The following LRRC26 variants were observed in gnomAD, a reference collection of about 807,000 sequenced individuals.
LRRC26 encodes leucine rich repeat containing 26.
In LRRC26, 17 loss-of-function variants were observed where a neutral mutation model predicts 15.3. The ratio of observed to expected loss-of-function variants is 1.11; its 90% CI spans 0.76 to 1.66. The LOEUF (loss-of-function observed/expected upper bound fraction) is 1.66, where lower values mean the gene tolerates loss of function less well. Ranked by LOEUF, LRRC26 falls within the 40% of genes most tolerant of loss-of-function variation. LRRC26 has a pLI of 0.00. For synonymous variants in LRRC26, 301 were observed against 272.1 expected, an observed-to-expected ratio of 1.11 and a Z score of -1.05; for missense variants, 573 against 501.0, an observed-to-expected ratio of 1.14 and a Z score of -1.37.
At position 137,169,508 on chromosome 9, in the gene LRRC26, G is replaced by A. The variant is rs1399092859; in HGVS notation, c.436C>T (p.Arg146Cys). Residue 146 changes from arginine to cysteine, a missense_variant, in exon 1 of 2, where the codon CGC becomes TGC. Transcript: ENST00000371542. Reference sequence around the variant, plus strand: ...CGGTTGCCGGCCAATGAGAGGTTGCGCAGCGCGCGCAGCGGCGCGAAAGTC... The same window carrying A: ...CGGTTGCCGGCCAATGAGAGGTTGCACAGCGCGCGCAGCGGCGCGAAAGTC... ...PGTFAPLRAL[R>C]NLSLAGNRLA... 3.3e-6 allele frequency: 5 copies of A among 1,523,846 alleles called. No individual in the cohort carries two copies. Among genetic ancestry groups the A allele is most frequent in the African/African-American group, 1.4e-5 (1 of 70,526 alleles). 94.4% of individuals were successfully genotyped at this position (1,523,846 alleles called of 1,614,324 possible). A position where few individuals can be genotyped will look rare whatever the true frequency, so the allele number is the denominator to read the frequency against.
rs747824131 is a variant in LRRC26, at chr9:137,169,838, C to T, written c.106G>A (p.Gly36Arg). ...AQVSATASPS[G>R]SLGAPDCPEV... ...GGGCAGTCCGGGGCGCCCAGGGACCCCGAGGGCGAGGCCGTGGCCGACACC... is the reference window on the plus strand; with the variant it reads ...GGGCAGTCCGGGGCGCCCAGGGACCTCGAGGGCGAGGCCGTGGCCGACACC... Residue 36 changes from glycine to arginine, a missense_variant, in exon 1 of 2, where the codon GGG (glycine) becomes AGG (arginine). Transcript: ENST00000371542. 5.5e-6 allele frequency: 8 copies of T among 1,460,230 alleles called. No homozygotes were observed. Among genetic ancestry groups the T allele is most frequent in the Non-Finnish European group, 5.4e-6 (6 of 1,117,150 alleles). The allele number at this position is 1,460,230 out of a possible 1,614,324, so 90.5% of individuals were successfully genotyped here.
chr9:137,168,933 T>C lies in LRRC26; in HGVS notation c.926A>G (p.Asp309Gly). Reference protein sequence around the residue: ...TAALRPPRPPDPNPDPDPHGC... With the variant: ...TAALRPPRPPGPNPDPDPHGC... ...GTGGGGGTCGGGATCGGGGTTCGGG[T>C]CTGGCGGTCTCGGCGGGCGGAGGGC... The change falls in exon 2 of 2, where the codon GAC becomes GGC. Residue 309 changes from aspartate to glycine, a missense_variant. Physicochemically the swap from Asp to Gly is moderately conservative, Grantham distance 94 (BLOSUM62 -1). Coordinates refer to ENST00000371542, the MANE Select transcript of LRRC26 (RefSeq NM_001013653.3). The C allele has an allele frequency of 7.2e-7, 1 of 1,387,004 alleles. No homozygotes were observed. Among genetic ancestry groups the C allele is most frequent in the Non-Finnish European group, 9.3e-7 (1 of 1,078,330 alleles). 85.9% of individuals were successfully genotyped at this position (1,387,004 alleles called of 1,614,324 possible). A position where few individuals can be genotyped will look rare whatever the true frequency, so the allele number is the denominator to read the frequency against.
Position 137,169,533 on chromosome 9 carries a change from C to T in LRRC26, c.411G>A (p.Gly137=), listed in dbSNP as rs936670035. The change falls in exon 1 of 2, where the codon GGG becomes GGA. Residue 137 remains glycine, a synonymous_variant. Transcript: ENST00000371542. The part of the protein sequence containing the change: ...SANQLEALAP[G]TFAPLRALRN... ...GCAGCGCGCGCAGCGGCGCGAAAGT[C>T]CCTGGTGCCAGTGCTTCCAGCTGGT... 2 of 1,524,352 alleles carry T rather than the reference C, an allele frequency of 1.3e-6. No individual in the cohort carries two copies. Among genetic ancestry groups the T allele is most frequent in the Non-Finnish European group, 8.8e-7 (1 of 1,142,414 alleles). The allele number at this position is 1,524,352 out of a possible 1,614,324, so 94.4% of individuals were successfully genotyped here. A position where few individuals can be genotyped will look rare whatever the true frequency, so the allele number is the denominator to read the frequency against.
Position 137,169,312 on chromosome 9 carries a change from G to A in LRRC26, c.632C>T (p.Pro211Leu), listed in dbSNP as rs374031826. The change falls in exon 1 of 2, where the codon CCG becomes CTG. Residue 211 changes from proline to leucine, a missense_variant. Physicochemically the swap from Pro to Leu is moderately conservative, Grantham distance 98 (BLOSUM62 -3). Transcript: ENST00000371542. ...NPWGCGCALR[P>L]LCAWLRRHPL... ...GTGCCGGCGCAGCCAGGCGCAGAGCGGGCGCAGCGCGCACCCGCAGCCCCA... is the reference window on the plus strand; with the variant it reads ...GTGCCGGCGCAGCCAGGCGCAGAGCAGGCGCAGCGCGCACCCGCAGCCCCA... 992 of 1,423,054 alleles carry A rather than the reference G, an allele frequency of 7.0e-4. No homozygotes were observed. The highest frequency in any genetic ancestry group is 1.5e-3 in the Middle Eastern group (6 of 4,102). The allele number at this position is 1,423,054 out of a possible 1,614,324, so 88.2% of individuals were successfully genotyped here. A position where few individuals can be genotyped will look rare whatever the true frequency, so the allele number is the denominator to read the frequency against.
At position 137,169,562 on chromosome 9, in the gene LRRC26, C is replaced by T; in HGVS notation, c.382G>A (p.Ala128Thr). The change falls in exon 1 of 2, where the codon GCC becomes ACC. Residue 128 changes from alanine (A) to threonine (T), a missense_variant. By Grantham distance (58) the Ala-to-Thr change is moderately conservative. Coordinates refer to ENST00000371542, the MANE Select transcript of LRRC26 (RefSeq NM_001013653.3). ...LGALQLLDLS[A>T]NQLEALAPGT... ...GGTGCCAGTGCTTCCAGCTGGTTGG[C>T]GCTCAGGTCCAGCAGCTGCAGCGCG... The T allele has an allele frequency of 6.6e-7, 1 of 1,524,446 alleles. No homozygotes were observed. The highest frequency in any genetic ancestry group is 2.0e-5 in the Admixed American group (1 of 50,192). The allele number at this position is 1,524,446 out of a possible 1,614,324, so 94.4% of individuals were successfully genotyped here. A position where few individuals can be genotyped will look rare whatever the true frequency, so the allele number is the denominator to read the frequency against.
At position 137,169,633 on chromosome 9, in the gene LRRC26, T is replaced by G; in HGVS notation, c.311A>C (p.Glu104Ala). Residue 104 changes from glutamate (E) to alanine (A), a missense_variant, in exon 1 of 2, where the codon GAG (glutamate) becomes GCG (alanine). Glu to Ala is a moderately radical substitution (Grantham distance 107). Coordinates refer to ENST00000371542, the MANE Select transcript of LRRC26 (RefSeq NM_001013653.3). The stretch of plus-strand genomic sequence containing the variant: ...CACATGCACCGAGTGCAGCCCGTTC[T>G]CGCGCAGGTCCAGGCGCTGTAGCGC... ...AGALQRLDLR[E>A]NGLHSVHVRA... 1 of 1,513,712 alleles carries G rather than the reference T, an allele frequency of 6.6e-7. No individual in the cohort carries two copies. The highest frequency in any genetic ancestry group is 8.8e-7 in the Non-Finnish European group (1 of 1,137,592). 93.8% of individuals were successfully genotyped at this position (1,513,712 alleles called of 1,614,324 possible).
In LRRC26 at chr9:137,169,370, C is replaced by A. The variant is rs763852488; in HGVS notation, c.574G>T (p.Ala192Ser). The A allele has an allele frequency of 4.0e-6, 6 of 1,483,766 alleles. No individual in the cohort carries two copies. Among genetic ancestry groups the A allele is most frequent in the East Asian group, 5.7e-5 (2 of 34,920 alleles). 91.9% of individuals were successfully genotyped at this position (1,483,766 alleles called of 1,614,324 possible). Residue 192 changes from alanine (A) to serine (S), a missense_variant, in exon 1 of 2, where the codon GCT (alanine) becomes TCT (serine). Transcript: ENST00000371542. ...CCGCGCAGGTGCAGCGCGTCTAGAG[C>A]GGGCAGGCGGCCCAGCAGCCCCGGC... ...LAPGLLGRLP[A>S]LDALHLRGNP...
At position 137,168,766 on chromosome 9, in the gene LRRC26, C is replaced by G; in HGVS notation, c.*88G>C. On this transcript the variant is annotated 3_prime_UTR_variant, in exon 2 of 2. Transcript: ENST00000371542. ...AAAGGAATGTCACGCAGTTTTCGGT[C>G]TGTGTCGCTTGTTGACGCCGGCAGA... The G allele has an allele frequency of 9.8e-7, 1 of 1,018,814 alleles. No individual in the cohort carries two copies. Among genetic ancestry groups the G allele is most frequent in the Non-Finnish European group, 1.2e-6 (1 of 801,694 alleles). The allele number at this position is 1,018,814 out of a possible 1,614,324, so 63.1% of individuals were successfully genotyped here.
In LRRC26 at chr9:137,169,511, G is replaced by C; in HGVS notation, c.433C>G (p.Leu145Val). The change falls in exon 1 of 2, where the codon CTG becomes GTG. Residue 145 changes from leucine to valine, a missense_variant. Coordinates refer to ENST00000371542, the MANE Select transcript of LRRC26 (RefSeq NM_001013653.3). ...TTGCCGGCCAATGAGAGGTTGCGCA[G>C]CGCGCGCAGCGGCGCGAAAGTCCCT... ...APGTFAPLRA[L>V]RNLSLAGNRL... The C allele has an allele frequency of 6.6e-7, 1 of 1,524,370 alleles. No homozygotes were observed. The highest frequency in any genetic ancestry group is 8.8e-7 in the Non-Finnish European group (1 of 1,142,724). 94.4% of individuals were successfully genotyped at this position (1,524,370 alleles called of 1,614,324 possible).
rs751530897 is a variant in LRRC26, at chr9:137,168,955, G to GGGCGGCGGTGCGGA, written c.890_903dup (p.Leu302SerfsTer?). The GGGCGGCGGTGCGGA allele has an allele frequency of 8.6e-6, 12 of 1,397,772 alleles. No homozygotes were observed. In the Admixed American group the frequency reaches 3.0e-4, roughly 34 times the overall value. The allele number at this position is 1,397,772 out of a possible 1,614,324, so 86.6% of individuals were successfully genotyped here. A position where few individuals can be genotyped will look rare whatever the true frequency, so the allele number is the denominator to read the frequency against. On this transcript the variant is annotated frameshift_variant, in exon 2 of 2. Coordinates refer to ENST00000371542, the MANE Select transcript of LRRC26 (RefSeq NM_001013653.3). LOFTEE classifies it low-confidence loss of function (END_TRUNC). ...GGGTCTGGCGGTCTCGGCGGGCGGAGGGCGGCGGTGCGGAGGCGGCGGCGG... is the reference window on the plus strand; with the variant it reads ...GGGTCTGGCGGTCTCGGCGGGCGGAGGGCGGCGGTGCGGAGGCGGCGGTGCGGAGGCGGCGGCGG...
Position 137,169,709 on chromosome 9 carries a change from C to A in LRRC26, c.235G>T (p.Asp79Tyr), listed in dbSNP as rs200394432. The change falls in exon 1 of 2, where the codon GAC becomes TAC. Residue 79 changes from aspartate (D) to tyrosine (Y), a missense_variant. Coordinates refer to ENST00000371542, the MANE Select transcript of LRRC26 (RefSeq NM_001013653.3). ...GGCAGCGCACGGACGCGGTTGTGGT[C>A]CAGCAGCAGCGCGCGCAGGCGCAGG... ...LSLRLRALLL[D>Y]HNRVRALPPG... 8.7e-3 allele frequency: 12,835 copies of A among 1,473,686 alleles called. 67 individuals are homozygous for A. Among genetic ancestry groups the A allele is most frequent in the Non-Finnish European group, 0.01 (11,386 of 1,120,680 alleles). 91.3% of individuals were successfully genotyped at this position (1,473,686 alleles called of 1,614,324 possible).
rs1345080772 is a variant in LRRC26 at position 137,169,284 on chromosome 9, C to T, written c.660G>A (p.Pro220=). Residue 220 remains proline, a synonymous_variant, in exon 1 of 2, where the codon CCG becomes CCA. Coordinates refer to ENST00000371542, the MANE Select transcript of LRRC26 (RefSeq NM_001013653.3). ...RPLCAWLRRH[P]LPASEAETVL... ...CCAGCAGCTCACCTGACGCGGGCAG[C>T]GGGTGCCGGCGCAGCCAGGCGCAGA... 2.8e-5 allele frequency: 38 copies of T among 1,380,424 alleles called. No individual in the cohort carries two copies. Among genetic ancestry groups the T allele is most frequent in the Non-Finnish European group, 3.4e-5 (37 of 1,075,022 alleles). 85.5% of individuals were successfully genotyped at this position (1,380,424 alleles called of 1,614,324 possible).
rs1324287565 is a variant in LRRC26, at chr9:137,169,959, GC to G, written c.-17del. The G allele has an allele frequency of 6.4e-6, 9 of 1,400,638 alleles. No individual in the cohort carries two copies. The Admixed American group carries it at 1.1e-4, about 17-fold the overall frequency. The allele number at this position is 1,400,638 out of a possible 1,614,324, so 86.8% of individuals were successfully genotyped here. On this transcript the variant is annotated 5_prime_UTR_variant, in exon 1 of 2. Transcript: ENST00000371542. ...GGCCCCGCATGGGGGCAGCCCCCCC[GC>G]CCCCGGCACCCGCGGTGGGAGGCCC...
chr9:137,169,753 G>T lies in LRRC26; in HGVS notation c.191C>A (p.Ala64Asp). The T allele has an allele frequency of 1.4e-6, 2 of 1,404,878 alleles. No individual in the cohort carries two copies. Among genetic ancestry groups the T allele is most frequent in the South Asian group, 3.1e-5 (2 of 64,076 alleles). 87.0% of individuals were successfully genotyped at this position (1,404,878 alleles called of 1,614,324 possible). A position where few individuals can be genotyped will look rare whatever the true frequency, so the allele number is the denominator to read the frequency against. ...GCGCAGGCTCAGGCCCGGGGGCACGGCGGGCAGCGAGAGTGCCGAGCAGCT... is the reference window on the plus strand; with the variant it reads ...GCGCAGGCTCAGGCCCGGGGGCACGTCGGGCAGCGAGAGTGCCGAGCAGCT... ...LASCSALSLP[A>D]VPPGLSLRLR... Residue 64 changes from alanine (A) to aspartate (D), a missense_variant, in exon 1 of 2, where the codon GCC (alanine) becomes GAC (aspartate). Transcript: ENST00000371542.
At position 137,169,909 on chromosome 9, in the gene LRRC26, A is replaced by G. The variant is rs763164880; in HGVS notation, c.35T>C (p.Leu12Pro). The stretch of plus-strand genomic sequence containing the variant: ...CGACAGCAGCAGCAACAGCAGCAGC[A>G]GCGGCCGAGGCCGCGACCAGGAAGG... ...RGPSWSRPRPLLLLLLLLSPW... is the reference protein window; with the variant it reads ...RGPSWSRPRPPLLLLLLLSPW... The change falls in exon 1 of 2, where the codon CTG becomes CCG. Residue 12 changes from leucine to proline, a missense_variant. Physicochemically the swap from Leu to Pro is moderately conservative, Grantham distance 98. Coordinates refer to ENST00000371542, the MANE Select transcript of LRRC26 (RefSeq NM_001013653.3). 2.0e-6 allele frequency: 3 copies of G among 1,474,210 alleles called. No individual in the cohort carries two copies. The South Asian group carries it at 3.9e-5, about 19-fold the overall frequency. 91.3% of individuals were successfully genotyped at this position (1,474,210 alleles called of 1,614,324 possible). A position where few individuals can be genotyped will look rare whatever the true frequency, so the allele number is the denominator to read the frequency against.
chr9:137,169,506 G>A lies in LRRC26; in HGVS notation c.438C>T (p.Arg146=), dbSNP rs1273339639. 2 of 1,523,742 alleles carry A rather than the reference G, an allele frequency of 1.3e-6. No individual in the cohort carries two copies. The highest frequency in any genetic ancestry group is 2.0e-5 in the Admixed American group (1 of 50,382). The allele number at this position is 1,523,742 out of a possible 1,614,324, so 94.4% of individuals were successfully genotyped here. Reference sequence around the variant, plus strand: ...GCCGGTTGCCGGCCAATGAGAGGTTGCGCAGCGCGCGCAGCGGCGCGAAAG... The same window carrying A: ...GCCGGTTGCCGGCCAATGAGAGGTTACGCAGCGCGCGCAGCGGCGCGAAAG... ...PGTFAPLRAL[R]NLSLAGNRLA... is the part of the protein sequence containing the mutation. Residue 146 remains arginine, a synonymous_variant, in exon 1 of 2, where the codon CGC becomes CGT. Transcript: ENST00000371542.
Position 137,169,684 on chromosome 9 carries a change from G to T in LRRC26, c.260C>A (p.Pro87Gln), listed in dbSNP as rs1834047631. The part of the protein sequence containing the change: ...LLDHNRVRAL[P>Q]PGAFAGAGAL... The stretch of plus-strand genomic sequence containing the variant: ...GCCCGCTCCCGCGAAGGCACCTGGC[G>T]GCAGCGCACGGACGCGGTTGTGGTC... Residue 87 changes from proline to glutamine, a missense_variant, in exon 1 of 2, where the codon CCG (proline) becomes CAG (glutamine). Physicochemically the swap from Pro to Gln is moderately conservative, Grantham distance 76. Coordinates refer to ENST00000371542, the MANE Select transcript of LRRC26 (RefSeq NM_001013653.3). 1.3e-6 allele frequency: 2 copies of T among 1,497,790 alleles called. No homozygotes were observed. Among genetic ancestry groups the T allele is most frequent in the South Asian group, 1.3e-5 (1 of 79,756 alleles). The allele number at this position is 1,497,790 out of a possible 1,614,324, so 92.8% of individuals were successfully genotyped here.
chr9:137,169,355 G>A lies in LRRC26; in HGVS notation c.589C>T (p.His197Tyr), dbSNP rs1038203243. 3.4e-6 allele frequency: 5 copies of A among 1,470,484 alleles called. No individual in the cohort carries two copies. The African/African-American group carries it at 7.4e-5, about 22-fold the overall frequency. The allele number at this position is 1,470,484 out of a possible 1,614,324, so 91.1% of individuals were successfully genotyped here. The change falls in exon 1 of 2, where the codon CAC (histidine) becomes TAC (tyrosine). Residue 197 changes from histidine to tyrosine, a missense_variant. By Grantham distance (83) the His-to-Tyr change is moderately conservative. Coordinates refer to ENST00000371542, the MANE Select transcript of LRRC26 (RefSeq NM_001013653.3). ...LGRLPALDAL[H>Y]LRGNPWGCGC... ...CAGCCCCAAGGGTTGCCGCGCAGGT[G>A]CAGCGCGTCTAGAGCGGGCAGGCGG...
In LRRC26 at chr9:137,168,978, C is replaced by A. The variant is rs1402572327; in HGVS notation, c.881G>T (p.Arg294Leu). The change falls in exon 2 of 2, where the codon CGC becomes CTC. Residue 294 changes from arginine (R) to leucine (L), a missense_variant. By Grantham distance (102) the Arg-to-Leu change is moderately radical (BLOSUM62 -2). Transcript: ENST00000371542. ...GAGGGCGGCGGTGCGGAGGCGGCGG[C>A]GGCGCGCACGGCAGGCGGTGAGCCC... ...GSGLTACRAR[R>L]RRLRTAALRP... 28 of 1,434,182 alleles carry A rather than the reference C, an allele frequency of 2.0e-5. No homozygotes were observed. The highest frequency in any genetic ancestry group is 2.5e-5 in the Non-Finnish European group (27 of 1,100,040). The allele number at this position is 1,434,182 out of a possible 1,614,324, so 88.8% of individuals were successfully genotyped here.
Sources: gnomAD v4.1 joint callset for allele counts on GRCh38, gnomAD v4.1.1 for gene constraint, MANE v1.5 for transcripts, NCBI Gene and HGNC (gene_info 2026-07-23, HGNC 2026-07-21) for gene names.